Variants in COL26A1 observed in about 807,000 individuals in gnomAD.
COL26A1 encodes collagen type XXVI alpha 1 chain, also known as collagen alpha-1(XXVI) chain.
COL26A1 carries 41 observed loss-of-function variants against 59.3 expected under a neutral mutation model. The ratio of observed to expected loss-of-function variants is 0.69; its 90% CI spans 0.54 to 0.90. The LOEUF (loss-of-function observed/expected upper bound fraction) is 0.90, where lower values mean the gene tolerates loss of function less well. Among genes scored for constraint, COL26A1 ranks in the 40% least tolerant of loss-of-function variants. COL26A1 has a pLI of 0.00. For missense variants in COL26A1, 612 were observed against 602.3 expected, an observed-to-expected ratio of 1.02 and a Z score of -0.17; for synonymous variants, 266 against 256.0, an observed-to-expected ratio of 1.04 and a Z score of -0.37.
rs1793126215 is a variant in COL26A1, at chr7:101,444,093, G to A, written c.282-3591G>A. On this transcript the variant is annotated intron_variant, in intron 2 of 12. Coordinates refer to ENST00000313669, the MANE Select transcript of COL26A1 (RefSeq NM_001278563.3). Reference sequence around the variant, plus strand: ...GCATCTTGGTATATTGCCCAGGCTGGTCTCGAACTTCTGACTTCAAGCAAT... The same window carrying A: ...GCATCTTGGTATATTGCCCAGGCTGATCTCGAACTTCTGACTTCAAGCAAT... 2.0e-5 allele frequency among the ~76,000 whole-genome samples: 3 copies of A among 151,728 alleles called. No homozygotes were observed. In the South Asian group the frequency reaches 6.2e-4, roughly 32 times the overall value.
At chr7:101,377,650 C>T (rs1791351213) in intron 1 of COL26A1, among the ~76,000 whole-genome samples, 2 of 152,096 alleles carry the variant, frequency 1.3e-5, no homozygotes, top group South Asian at 4.1e-4. Context: ...TGGTCTTGAA[C>T]TCCTGGGCTC....
chr7:101,498,445 C>T (rs1370120643), intron 3 of COL26A1, among the ~76,000 whole-genome samples: 4 of 152,110 alleles, frequency 2.6e-5, no homozygotes, highest in African/African-American at 9.7e-5. Context: ...GAGAGGAGAC[C>T]CAGGTGTGCA....
In COL26A1 at chr7:101,483,934, A is replaced by G. The variant is rs1473822028; in HGVS notation, c.385+36147A>G. 2.0e-5 allele frequency among the ~76,000 whole-genome samples: 3 copies of G among 151,468 alleles called. No individual in the cohort carries two copies. In the East Asian group the frequency reaches 5.8e-4, roughly 29 times the overall value. On this transcript the variant is annotated intron_variant, in intron 3 of 12. Transcript: ENST00000313669. ...TGGGATCTGCCCACTTCGGCCTCCC[A>G]AAGTGCTGGGATTACAGGCATGAGC...
chr7:101,369,483 C>G (rs1187683408), intron 1 of COL26A1, among the ~76,000 whole-genome samples: 2 of 117,516 alleles, frequency 1.7e-5, no homozygotes, highest in African/African-American at 6.6e-5. Context: ...GAGTCTCGCT[C>G]TGTCGCCCAG....
At chr7:101,370,291 TGAA>T (rs1304662313) in intron 1 of COL26A1, among the ~76,000 whole-genome samples, 3 of 152,216 alleles carry the variant, frequency 2.0e-5, no homozygotes, top group Non-Finnish European at 4.4e-5. Flanking sequence ...AGACTAAAGA[TGAA>T]GACCATTCAC....
intron 3 of COL26A1, among the ~76,000 whole-genome samples, chr7:101,499,789 A>T (rs1584465461): frequency 6.6e-6 from 1 of 151,660 alleles, no homozygotes. Context: ...AGGCAGGAGG[A>T]TCACTTGAGC....
intron 3 of COL26A1, among the ~76,000 whole-genome samples, chr7:101,518,817 G>A (rs955650000): frequency 4.6e-5 from 7 of 152,142 alleles, no homozygotes; most frequent in Admixed American, 2.0e-4. Context: ...TCCCCGTCAA[G>A]TCCTGAGGGA....
At chr7:101,512,373 C>G (rs1208789078) in intron 3 of COL26A1, among the ~76,000 whole-genome samples, 1 of 152,104 alleles carries the variant, frequency 6.6e-6, no homozygotes, top group Non-Finnish European at 1.5e-5. Flanking sequence ...AATCCCAGCA[C>G]TTTGGGAGGC....
intron 3 of COL26A1, among the ~76,000 whole-genome samples, chr7:101,526,055 C>CTT (rs111314494): frequency 2.0e-5 from 3 of 148,300 alleles, no homozygotes; most frequent in Admixed American, 6.7e-5. Flanking sequence ...TTTCCTTTTT[C>CTT]TTTTTTTTTT....
intron 3 of COL26A1, among the ~76,000 whole-genome samples, chr7:101,486,459 C>G (rs1794271895): frequency 6.6e-6 from 1 of 152,250 alleles, no homozygotes; most frequent in Non-Finnish European, 1.5e-5. Context: ...CTTGCACAGG[C>G]AGGTCCCTGC....
At chr7:101,372,644 A>T (rs1791221347) in intron 1 of COL26A1, among the ~76,000 whole-genome samples, 2 of 152,146 alleles carry the variant, frequency 1.3e-5, no homozygotes, top group Admixed American at 1.3e-4. Context: ...CAACTGTGTA[A>T]AGGCTTGGAA....
intron 3 of COL26A1, among the ~76,000 whole-genome samples, chr7:101,458,303 C>T (rs139216879): frequency 2.4e-3 from 373 of 152,254 alleles, no homozygotes; most frequent in South Asian, 0.012. Flanking sequence ...ATCACCTTTA[C>T]CAATATCATG....
At chr7:101,438,664 C>T (rs955722943) in intron 2 of COL26A1, among the ~76,000 whole-genome samples, 4 of 151,172 alleles carry the variant, frequency 2.6e-5, no homozygotes, top group Non-Finnish European at 5.9e-5. Flanking sequence ...CTTAAGTTCC[C>T]CTTTCTTTTC....
chr7:101,392,100 G>A (rs1791744651), intron 1 of COL26A1, among the ~76,000 whole-genome samples: 1 of 152,118 alleles, frequency 6.6e-6, no homozygotes, highest in African/African-American at 2.4e-5. Context: ...ATCAGTGGAT[G>A]CAAATGGCTA....
chr7:101,383,525 C>G (rs980728535), intron 1 of COL26A1, among the ~76,000 whole-genome samples: 1 of 129,276 alleles, frequency 7.7e-6, no homozygotes, highest in Non-Finnish European at 1.7e-5. Context: ...TGCCACCACG[C>G]CTGGCTAATT....
chr7:101,463,644 A>ATCCTTCCATCCTTCCT (rs1554415968), intron 3 of COL26A1, among the ~76,000 whole-genome samples: 2,317 of 24,414 alleles, frequency 0.095, 151 homozygotes, highest in African/African-American at 0.39. Flanking sequence ...CCTTCCTTCC[A>ATCCTTCCATCCTTCCT]TCCTTCCATC....
intron 4 of COL26A1, among the ~76,000 whole-genome samples, chr7:101,533,631 T>G (rs1219165267): frequency 6.6e-6 from 1 of 152,058 alleles, no homozygotes; most frequent in African/African-American, 2.4e-5. Flanking sequence ...GGACAAGTAA[T>G]TTACCTGGCA....
At chr7:101,517,161 C>G (rs1795044681) in intron 3 of COL26A1, among the ~76,000 whole-genome samples, 1 of 152,088 alleles carries the variant, frequency 6.6e-6, no homozygotes, top group African/African-American at 2.4e-5. Context: ...CATCACTGCC[C>G]TAGGGAAGCT....
chr7:101,408,692 C>T (rs1417192223), intron 1 of COL26A1, among the ~76,000 whole-genome samples: 1 of 152,242 alleles, frequency 6.6e-6, no homozygotes, highest in Non-Finnish European at 1.5e-5. Flanking sequence ...TACATCCCAT[C>T]TGAGGCTTGT....
Sources: gnomAD v4.1 joint callset for allele counts (sites outside exome capture counted in the v4.1 genomes callset) on GRCh38, gnomAD v4.1.1 for gene constraint, MANE v1.5 for transcripts, NCBI Gene and HGNC (gene_info 2026-07-23, HGNC 2026-07-21) for gene names.